The following TTC6 variants were observed in gnomAD, a reference collection of about 807,000 sequenced individuals.
TTC6 encodes tetratricopeptide repeat domain 6, also known as tetratricopeptide repeat protein 6.
A neutral mutation model predicts 210.4 loss-of-function variants in TTC6; 172 were observed. The ratio of observed to expected loss-of-function variants is 0.82; its 90% CI spans 0.72 to 0.93. TTC6 has a LOEUF of 0.93. Among genes scored for constraint, TTC6 ranks in the 40% least tolerant of loss-of-function variants. The pLI is 0.00. For missense variants in TTC6, 2,414 were observed against 2,318.1 expected, an observed-to-expected ratio of 1.04 and a Z score of -0.85; for synonymous variants, 804 against 819.6, an observed-to-expected ratio of 0.98 and a Z score of 0.32.
Position 37,719,700 on chromosome 14 carries a change from TTAAAA to T in TTC6, c.1713+4908_1713+4912del, listed in dbSNP as rs372973394. On this transcript the variant is annotated intron_variant, in intron 6 of 30. Coordinates refer to ENST00000553443, the Ensembl canonical transcript of TTC6. ...GTCTTGCATCCTATAAAAAATGTAC[TTAAAA>T]TAATAATTCATAGACACATGTAAAA... Among the ~76,000 whole-genome samples the T allele has an allele frequency of 5.6e-3, 845 of 152,210 alleles. 11 individuals carry two copies. The highest frequency in any genetic ancestry group is 0.02 in the African/African-American group (814 of 41,556).
chr14:37,682,257 T>G (rs1198477192), intron 2 of TTC6, among the ~76,000 whole-genome samples: 2 of 152,022 alleles, frequency 1.3e-5, no homozygotes, highest in Non-Finnish European at 2.9e-5. Flanking sequence ...ATCTATTAAT[T>G]AACAGATCCA....
At chr14:37,687,016 C>T (rs1183407628) in intron 3 of TTC6, among the ~76,000 whole-genome samples, 2 of 152,178 alleles carry the variant, frequency 1.3e-5, no homozygotes, top group South Asian at 2.1e-4. Context: ...GTCCCCTCCA[C>T]TCCACAGTAA....
chr14:37,831,336 CT>C, intron 29 of TTC6, among the ~76,000 whole-genome samples: 1 of 152,238 alleles, frequency 6.6e-6, no homozygotes, highest in African/African-American at 2.4e-5. Flanking sequence ...CTGATGGACA[CT>C]TAGGGTGATT....
intron 1 of TTC6, among the ~76,000 whole-genome samples, chr14:37,641,994 A>G (rs1332749171): frequency 1.3e-5 from 2 of 152,234 alleles, no homozygotes; most frequent in East Asian, 1.9e-4. Context: ...CATCAGATGT[A>G]TTACATACAT....
At chr14:37,734,670 C>G (rs376242886) in intron 7 of TTC6, among the ~76,000 whole-genome samples, 2 of 152,210 alleles carry the variant, frequency 1.3e-5, no homozygotes, top group East Asian at 3.9e-4. Flanking sequence ...TGCATGCATA[C>G]CAATTTCAAC....
At chr14:37,733,146 T>A (rs2095892357) in intron 7 of TTC6, among the ~76,000 whole-genome samples, 1 of 152,164 alleles carries the variant, frequency 6.6e-6, no homozygotes, top group Non-Finnish European at 1.5e-5. Flanking sequence ...ACCTTTATAC[T>A]CCTCCAGGAA....
chr14:37,830,796 T>C (rs2096182972), intron 29 of TTC6, among the ~76,000 whole-genome samples: 1 of 152,028 alleles, frequency 6.6e-6, no homozygotes. Flanking sequence ...TTCAAAATGT[T>C]ATATTTTTTA....
intron 2 of TTC6, among the ~76,000 whole-genome samples, chr14:37,610,299 C>T (rs1311517474): frequency 6.6e-6 from 1 of 152,216 alleles, no homozygotes; most frequent in Non-Finnish European, 1.5e-5. Flanking sequence ...TGCCCTCTTC[C>T]AGCACAGATC....
Position 37,842,129 on chromosome 14 carries a change from A to G in TTC6, c.5525-26A>G, listed in dbSNP as rs1255582629. 2.7e-6 allele frequency: 4 copies of G among 1,487,394 alleles called. No homozygotes were observed. In the South Asian group the frequency reaches 5.7e-5, roughly 21 times the overall value. The allele number at this position is 1,487,394 out of a possible 1,614,324, so 92.1% of individuals were successfully genotyped here. ...CTATTTTTTGAGTGCCAACTTAAAT[A>G]TATCTTGATTTTTTTTCTTTTGCAG... On this transcript the variant is annotated intron_variant, in intron 30 of 30. Transcript: ENST00000553443.
chr14:37,602,851 T>C (rs1369794170), intron 1 of TTC6, among the ~76,000 whole-genome samples: 1 of 151,992 alleles, frequency 6.6e-6, no homozygotes, highest in Non-Finnish European at 1.5e-5. Flanking sequence ...TTCAAATGCT[T>C]GAGGATGCAG....
At chr14:37,840,293 G>A (rs2096207043) in intron 29 of TTC6, among the ~76,000 whole-genome samples, 6 of 152,162 alleles carry the variant, frequency 3.9e-5, no homozygotes, top group Admixed American at 3.9e-4. Context: ...AAACCAGGAT[G>A]AAGTTGAATC....
intron 2 of TTC6, among the ~76,000 whole-genome samples, chr14:37,616,719 G>A (rs1324560491): frequency 1.4e-5 from 2 of 144,760 alleles, no homozygotes; most frequent in Non-Finnish European, 3.0e-5. Flanking sequence ...CAGCCTGGGC[G>A]GAAGAGTGAT....
chr14:37,823,745 A>T lies in TTC6; in HGVS notation c.4764-2A>T. On this transcript the variant is annotated splice_acceptor_variant, in intron 26 of 30. Transcript: ENST00000553443. LOFTEE classifies it high-confidence loss of function. ...GGCATCAATATTTTTATTTATTTGC[A>T]GAATTAATGAGTTTGAAGAAGCTGT... is the stretch of plus-strand genomic sequence containing the variant. 1 of 1,612,294 alleles carries T rather than the reference A, an allele frequency of 6.2e-7. No homozygotes were observed. The highest frequency in any genetic ancestry group is 1.3e-5 in the African/African-American group (1 of 74,956).
intron 2 of TTC6, among the ~76,000 whole-genome samples, chr14:37,615,221 C>G (rs1265758736): frequency 6.6e-6 from 1 of 152,168 alleles, no homozygotes; most frequent in African/African-American, 2.4e-5. Flanking sequence ...TGTTTTTCAT[C>G]ACCTTACATA....
At chr14:37,616,871 T>G (rs1163579070) in intron 2 of TTC6, among the ~76,000 whole-genome samples, 2 of 152,140 alleles carry the variant, frequency 1.3e-5, no homozygotes. Context: ...TTATTTTTAT[T>G]TATTCTTAAA....
At chr14:37,718,787 G>GC (rs2095856781) in intron 6 of TTC6, among the ~76,000 whole-genome samples, 3 of 152,050 alleles carry the variant, frequency 2.0e-5, no homozygotes, top group Admixed American at 1.3e-4. Context: ...AATTAGCTGG[G>GC]CATGGTGGTG....
intron 8 of TTC6, among the ~76,000 whole-genome samples, chr14:37,736,581 T>G (rs2095902334): frequency 2.0e-5 from 3 of 152,150 alleles, no homozygotes; most frequent in Non-Finnish European, 2.9e-5. Context: ...TGTTTATGAG[T>G]CTTTGACTAA....
intron 5 of TTC6, 109 bp downstream of exon 7, chr14:37,701,635 A>T (rs926897522): frequency 4.5e-5 from 47 of 1,042,532 alleles, no homozygotes; most frequent in Non-Finnish European, 5.9e-5. Context: ...TGGACACTAA[A>T]GAGGAGGGAG....
chr14:37,705,384 GC>G (rs2095833483), intron 5 of TTC6, among the ~76,000 whole-genome samples: 1 of 151,988 alleles, frequency 6.6e-6, no homozygotes, highest in Non-Finnish European at 1.5e-5. Context: ...GCAAAAACAT[GC>G]AAGAAAATGC....
Sources: gnomAD v4.1 joint callset for allele counts (sites outside exome capture counted in the v4.1 genomes callset) on GRCh38, gnomAD v4.1.1 for gene constraint, MANE v1.5 for transcripts, NCBI Gene and HGNC (gene_info 2026-07-23, HGNC 2026-07-21) for gene names.